Variants in CPSF4L observed in about 807,000 individuals in gnomAD.
CPSF4L encodes the protein putative cleavage and polyadenylation specificity factor subunit 4-like protein.
Under a neutral mutation model 24.0 loss-of-function variants are expected in CPSF4L, and 18 were observed. That is an observed-to-expected ratio of 0.75 (90% CI 0.52 to 1.11). The LOEUF is 1.11. CPSF4L is among the 50% of genes least tolerant of loss of function. The pLI, the probability that CPSF4L is intolerant of heterozygous loss-of-function variation, is 0.00. For synonymous variants in CPSF4L, 72 were observed against 77.2 expected (o/e 0.93, Z 0.35); for missense variants, 211 against 221.8 (o/e 0.95, Z 0.31).
chr17:73,244,053 T>TA (rs2061900671), downstream of CPSF4L, among the ~76,000 whole-genome samples: 1 of 152,210 alleles, frequency 6.6e-6, no homozygotes, highest in African/African-American at 2.4e-5. Flanking sequence ...TTTGAACACT[T>TA]AAAAAACAAA....
chr17:73,245,859 C>G (rs146850232), downstream of CPSF4L: 45 of 418,860 alleles, frequency 1.1e-4, no homozygotes, highest in African/African-American at 8.4e-4. Context: ...TGTATCATCT[C>G]TTCCTGGAAA....
chr17:73,260,049 G>T (rs1263592269), intron 2 of CPSF4L, among the ~76,000 whole-genome samples: 1 of 152,154 alleles, frequency 6.6e-6, no homozygotes, highest in African/African-American at 2.4e-5. Context: ...GGGGAGAGGG[G>T]CCTAGGAAGA....
At position 73,248,552 on chromosome 17, in the gene CPSF4L, A is replaced by G; in HGVS notation, c.498-16T>C. The G allele has an allele frequency of 5.8e-6, 9 of 1,551,536 alleles. No individual in the cohort carries two copies. The highest frequency in any genetic ancestry group is 7.0e-6 in the Non-Finnish European group (8 of 1,146,856). On this transcript the variant is annotated splice_polypyrimidine_tract_variant and intron_variant, in intron 5 of 5. Transcript: ENST00000344935. The stretch of plus-strand genomic sequence containing the variant: ...CCGAATCTTCCTGCAAGGTGCATAC[A>G]AATGCAGCGTGAGAATCCATACACG...
downstream of CPSF4L, chr17:73,244,522 C>T (rs1453742094): frequency 7.2e-6 from 1 of 138,716 alleles, no homozygotes; most frequent in African/African-American, 2.7e-5. Flanking sequence ...GAGATCGCGC[C>T]ACTACTCCAG....
chr17:73,250,430 C>G, intron 5 of CPSF4L: 2 of 1,267,910 alleles, frequency 1.6e-6, no homozygotes, highest in Non-Finnish European at 2.2e-6. Context: ...GTTGGTGAAG[C>G]TTATTTCAGG....
chr17:73,250,294 G>A, intron 5 of CPSF4L: 1 of 1,550,462 alleles, frequency 6.4e-7, no homozygotes, highest in Non-Finnish European at 8.7e-7. Context: ...ATAATGGCCT[G>A]GTCTTTGACA....
At chr17:73,243,093 T>TTTTTTG in the CPSF4L span, 16 of 991,298 alleles carry the variant, frequency 1.6e-5, no homozygotes, top group African/African-American at 1.7e-4. Context: ...TTTTTTTTTT[T>TTTTTTG]TTTTTTTTAC....
At chr17:73,257,254 G>A (rs925967333) in intron 3 of CPSF4L, among the ~76,000 whole-genome samples, 6 of 152,258 alleles carry the variant, frequency 3.9e-5, no homozygotes, top group South Asian at 2.1e-4. Context: ...TAGCAAGACC[G>A]TTGGAAGAGC....
At chr17:73,250,824 C>A in intron 5 of CPSF4L, 1 of 563,412 alleles carries the variant, frequency 1.8e-6, no homozygotes, top group Non-Finnish European at 2.9e-6. Flanking sequence ...GAGATGCCAA[C>A]AGGATGGTTT....
the CPSF4L span, chr17:73,242,291 C>A: frequency 6.2e-7 from 1 of 1,607,478 alleles, no homozygotes; most frequent in South Asian, 1.1e-5. Context: ...TTTGGAACCC[C>A]CTGCCGGACT....
At chr17:73,250,779 A>C (rs2062002289) in intron 5 of CPSF4L, among the ~76,000 whole-genome samples, 6 of 152,216 alleles carry the variant, frequency 3.9e-5, no homozygotes, top group Admixed American at 3.9e-4. Context: ...GTGGGAAATG[A>C]CTGTTCCTTT....
chr17:73,242,709 GTAAC>G, the CPSF4L span, among the ~76,000 whole-genome samples: 1 of 152,182 alleles, frequency 6.6e-6, no homozygotes, highest in Non-Finnish European at 1.5e-5. Flanking sequence ...CAAAACAAGA[GTAAC>G]TAATTTGAAT....
intron 5 of CPSF4L, chr17:73,248,883 C>T (rs921072659): frequency 4.3e-6 from 1 of 232,978 alleles, no homozygotes; most frequent in African/African-American, 2.3e-5. Flanking sequence ...TATCAGCAGA[C>T]TCTTTTATAC....
At chr17:73,242,265 C>G in the CPSF4L span, 1 of 1,597,594 alleles carries the variant, frequency 6.3e-7, no homozygotes. Context: ...GAACGAAGCT[C>G]AACTCATATA....
At chr17:73,250,499 C>T (rs1281436992) in intron 5 of CPSF4L, among the ~76,000 whole-genome samples, 1 of 152,134 alleles carries the variant, frequency 6.6e-6, no homozygotes, top group African/African-American at 2.4e-5. Context: ...AGCAACTGTA[C>T]AAGAAAAGTC....
chr17:73,245,383 A>G, downstream of CPSF4L: 1 of 1,261,492 alleles, frequency 7.9e-7, no homozygotes. Context: ...ATATAGACAG[A>G]TCTGGTTCTG....
In CPSF4L at chr17:73,261,835, G is replaced by A; in HGVS notation, c.-17C>T. ...CTCTTGCATCTTCCGTCTCCTGCTG[G>A]GGCTGCGGAAGCTGCTGGAACCCAG... On this transcript the variant is annotated 5_prime_UTR_variant, in exon 1 of 6. Coordinates refer to ENST00000344935, the MANE Select transcript of CPSF4L (RefSeq NM_001129885.1). 4.5e-6 allele frequency: 7 copies of A among 1,545,284 alleles called. No individual in the cohort carries two copies. Among genetic ancestry groups the A allele is most frequent in the Non-Finnish European group, 5.3e-6 (6 of 1,141,334 alleles).
intron 5 of CPSF4L, chr17:73,251,083 C>T (rs1050829285): frequency 7.1e-6 from 11 of 1,547,968 alleles, no homozygotes; most frequent in East Asian, 2.4e-5. Flanking sequence ...GGTGCTGAAT[C>T]CCGGGGCCGG....
intron 3 of CPSF4L, among the ~76,000 whole-genome samples, chr17:73,256,635 G>C (rs995434970): frequency 3.9e-5 from 6 of 152,216 alleles, no homozygotes; most frequent in African/African-American, 1.4e-4. Context: ...CTGTAGAATC[G>C]TATTGTGAAG....
Sources: allele counts gnomAD v4.1 joint callset (sites outside exome capture counted in the v4.1 genomes callset), GRCh38; gene constraint gnomAD v4.1.1; transcripts MANE v1.5; gene names NCBI Gene and HGNC (gene_info 2026-07-23, HGNC 2026-07-21).